SNTB1: variants seen among roughly 807,000 people sequenced by gnomAD.
The protein encoded by SNTB1 is syntrophin beta 1.
Under a neutral mutation model 48.9 loss-of-function variants are expected in SNTB1, and 36 were observed. The ratio of observed to expected loss-of-function variants is 0.74; its 90% CI spans 0.56 to 0.97. The LOEUF is 0.97. Among genes scored for constraint, SNTB1 ranks in the 50% least tolerant of loss-of-function variants. SNTB1 has a pLI of 0.00. For synonymous variants in SNTB1, 299 were observed against 294.6 expected, an observed-to-expected ratio of 1.01 and a Z score of -0.15; for missense variants, 786 against 703.4, an observed-to-expected ratio of 1.12 and a Z score of -1.33.
intron 2 of SNTB1, among the ~76,000 whole-genome samples, chr8:120,664,879 A>G (rs1278417204): frequency 6.6e-6 from 1 of 152,068 alleles, no homozygotes; most frequent in Non-Finnish European, 1.5e-5. Flanking sequence ...ACCATTTTTC[A>G]TTTTCAAACT....
intron 4 of SNTB1, chr8:120,570,270 T>C (rs1218637493): frequency 6.6e-6 from 1 of 152,208 alleles, no homozygotes; most frequent in East Asian, 1.9e-4. Flanking sequence ...TTCTTTACAA[T>C]GGAATCAGGA....
At chr8:120,650,158 G>A (rs868047038) in intron 2 of SNTB1, among the ~76,000 whole-genome samples, 1 of 151,782 alleles carries the variant, frequency 6.6e-6, no homozygotes, top group Non-Finnish European at 1.5e-5. Flanking sequence ...GCTGTAGACC[G>A]GAGCTGTTCC....
At chr8:120,721,676 GA>G (rs890962190) in intron 1 of SNTB1, among the ~76,000 whole-genome samples, 16 of 151,502 alleles carry the variant, frequency 1.1e-4, no homozygotes, top group Admixed American at 2.6e-4. Context: ...TTTCCTTAGG[GA>G]AAAAAAATGA....
chr8:120,691,490 A>G (rs1288449872), intron 2 of SNTB1, among the ~76,000 whole-genome samples: 1 of 152,358 alleles, frequency 6.6e-6, no homozygotes, highest in Middle Eastern at 3.4e-3. Flanking sequence ...TTACAAATTC[A>G]AAGATTAGGC....
At chr8:120,757,291 A>C (rs139997528) in intron 1 of SNTB1, among the ~76,000 whole-genome samples, 4 of 152,188 alleles carry the variant, frequency 2.6e-5, no homozygotes, top group Non-Finnish European at 5.9e-5. Flanking sequence ...TGCAGTAACC[A>C]GGCCAGCTGA....
chr8:120,673,394 G>C (rs1462228489), intron 2 of SNTB1, among the ~76,000 whole-genome samples: 1 of 151,458 alleles, frequency 6.6e-6, no homozygotes, highest in Non-Finnish European at 1.5e-5. Context: ...GGGTTCAAGC[G>C]GTTCTCCTGC....
intron 2 of SNTB1, among the ~76,000 whole-genome samples, chr8:120,635,397 G>A (rs1167800871): frequency 2.0e-5 from 3 of 152,204 alleles, no homozygotes; most frequent in East Asian, 1.9e-4. Flanking sequence ...GGCTTTTCAA[G>A]TTATTCTGCC....
At chr8:120,604,506 T>C (rs1587023797) in intron 3 of SNTB1, among the ~76,000 whole-genome samples, 1 of 148,744 alleles carries the variant, frequency 6.7e-6, no homozygotes, top group South Asian at 2.1e-4. Context: ...CAGGCTGGAG[T>C]GAAGTGGTGT....
intron 2 of SNTB1, among the ~76,000 whole-genome samples, chr8:120,646,068 A>T (rs1476322499): frequency 6.7e-6 from 1 of 148,656 alleles, no homozygotes; most frequent in Non-Finnish European, 1.5e-5. Context: ...TTTTGGGCTG[A>T]GACAGTGGGG....
At chr8:120,549,379 C>T (rs1042607721) in intron 4 of SNTB1, among the ~76,000 whole-genome samples, 10 of 152,162 alleles carry the variant, frequency 6.6e-5, no homozygotes, top group Non-Finnish European at 1.5e-4. Flanking sequence ...GTAGTTTGAA[C>T]ATCTGGCTGC....
At chr8:120,557,687 C>T (rs990984909) in intron 4 of SNTB1, among the ~76,000 whole-genome samples, 1 of 152,186 alleles carries the variant, frequency 6.6e-6, no homozygotes, top group Non-Finnish European at 1.5e-5. Context: ...ACCACCTGAT[C>T]TCTCTTACTA....
chr8:120,726,547 T>C lies in SNTB1; in HGVS notation c.572-32639A>G, dbSNP rs1818758274. Among the ~76,000 whole-genome samples the C allele has an allele frequency of 3.9e-5, 6 of 152,328 alleles. No homozygotes were observed. The South Asian group carries it at 1.2e-3, about 32-fold the overall frequency. ...ACATGTGAGATGAATGTGGACATTT[T>C]GAAATAGACTCCTGTTTAAATATCA... On this transcript the variant is annotated intron_variant, in intron 1 of 6. Coordinates refer to ENST00000517992, the MANE Select transcript of SNTB1 (RefSeq NM_021021.4).
At chr8:120,549,021 C>G in intron 4 of SNTB1, 63 bp from the exon 5 acceptor site, 2 of 1,383,840 alleles carry the variant, frequency 1.4e-6, no homozygotes, top group Non-Finnish European at 2.0e-6. Context: ...TGGCATATCA[C>G]CTTGTATAAG....
chr8:120,579,164 G>A (rs372459114), intron 3 of SNTB1, among the ~76,000 whole-genome samples: 3 of 149,602 alleles, frequency 2.0e-5, no homozygotes, highest in Non-Finnish European at 4.4e-5. Context: ...GCAACAGAGC[G>A]AGACTCTGTC....
At chr8:120,549,294 T>A (rs1054001393) in intron 4 of SNTB1, among the ~76,000 whole-genome samples, 1 of 152,254 alleles carries the variant, frequency 6.6e-6, no homozygotes, top group African/African-American at 2.4e-5. Context: ...AGCATCTATA[T>A]GTCCCAGCAC....
At chr8:120,665,367 G>C (rs1817658422) in intron 2 of SNTB1, among the ~76,000 whole-genome samples, 1 of 152,068 alleles carries the variant, frequency 6.6e-6, no homozygotes, top group South Asian at 2.1e-4. Flanking sequence ...CAGGAGAATT[G>C]CTTGAACCTG....
intron 1 of SNTB1, among the ~76,000 whole-genome samples, chr8:120,790,815 C>A (rs1820017149): frequency 6.6e-6 from 1 of 151,718 alleles, no homozygotes; most frequent in African/African-American, 2.4e-5. Flanking sequence ...GACATACTGC[C>A]CAAAGCAATC....
intron 3 of SNTB1, among the ~76,000 whole-genome samples, chr8:120,577,754 C>A (rs535286296): frequency 3.6e-4 from 55 of 152,272 alleles, no homozygotes; most frequent in Non-Finnish European, 4.3e-4. Flanking sequence ...CAGTATAATG[C>A]AGACTTCTCT....
At chr8:120,630,526 G>A (rs773458753) in intron 3 of SNTB1, among the ~76,000 whole-genome samples, 1 of 151,852 alleles carries the variant, frequency 6.6e-6, no homozygotes, top group African/African-American at 2.4e-5. Context: ...GATCCCTTTC[G>A]ACCTTCCCAT....
Sources: allele counts gnomAD v4.1 joint callset (sites outside exome capture counted in the v4.1 genomes callset), GRCh38; gene constraint gnomAD v4.1.1; transcripts MANE v1.5; gene names NCBI Gene and HGNC (gene_info 2026-07-23, HGNC 2026-07-21).